PDXDC1: variants seen among roughly 807,000 people sequenced by gnomAD.
The protein encoded by PDXDC1 is pyridoxal-dependent decarboxylase domain-containing protein 1.
In PDXDC1, 42 loss-of-function variants were observed where a neutral mutation model predicts 100.1. That is an observed-to-expected ratio of 0.42 (90% CI 0.33 to 0.54). PDXDC1 has a LOEUF of 0.54. Among genes scored for constraint, PDXDC1 ranks in the 20% least tolerant of loss-of-function variants. The pLI is 0.10. For missense variants in PDXDC1, 636 were observed against 979.2 expected (o/e 0.65, Z 4.68); for synonymous variants, 260 against 371.7 (o/e 0.70, Z 3.46).
At chr16:14,980,917 T>G (rs1967824369) in intron 1 of PDXDC1, among the ~76,000 whole-genome samples, 1 of 152,292 alleles carries the variant, frequency 6.6e-6, no homozygotes, top group Non-Finnish European at 1.5e-5. Flanking sequence ...ATAATTTTTA[T>G]TAATCGAAGG....
In PDXDC1 at chr16:15,131,440, T is replaced by C. The variant is rs1306508369; in HGVS notation, c.1400-7439T>C. On this transcript the variant is annotated intron_variant, in intron 16 of 16. Coordinates refer to the PDXDC1 transcript ENST00000535621. ...GTTAGCCGGGGCCCTGCTGAAAGCC[T>C]AGGGGATGGAGAAGTGGCAGCCAGG... 3.1e-6 allele frequency: 5 copies of C among 1,608,318 alleles called. No individual in the cohort carries two copies. The African/African-American group carries it at 5.3e-5, about 17-fold the overall frequency.
At chr16:15,056,003 A>AGGC (rs1248637323) in intron 16 of PDXDC1, 6 of 1,159,426 alleles carry the variant, frequency 5.2e-6, no homozygotes, top group South Asian at 4.3e-5. Flanking sequence ...AGGCCCAGGG[A>AGGC]GGCGGCGGCC....
intron 1 of PDXDC1, among the ~76,000 whole-genome samples, chr16:14,994,490 T>C (rs528506261): frequency 6.6e-6 from 1 of 152,418 alleles, no homozygotes; most frequent in East Asian, 1.9e-4. Flanking sequence ...TTGTGTTCCA[T>C]TGGTCTATAT....
intron 16 of PDXDC1, among the ~76,000 whole-genome samples, chr16:15,063,517 G>T (rs540993642): frequency 6.6e-6 from 1 of 151,920 alleles, no homozygotes; most frequent in African/African-American, 2.4e-5. Flanking sequence ...GACCATCCTG[G>T]CTAACACGGT....
intron 13 of PDXDC1, chr16:15,026,073 A>G (rs2042575468): frequency 6.5e-6 from 1 of 153,204 alleles, no homozygotes; most frequent in Non-Finnish European, 1.5e-5. Context: ...AGGGGAGGAA[A>G]GTACTTGTTG....
chr16:15,040,061 T>C, downstream of PDXDC1: 1 of 1,587,494 alleles, frequency 6.3e-7, no homozygotes, highest in Admixed American at 1.7e-5. Flanking sequence ...GTCTTAATGT[T>C]GACAGCTGTG....
In PDXDC1 at chr16:15,110,265, A is replaced by C. The variant is rs1037324996; in HGVS notation, c.1400-28614A>C. The C allele has an allele frequency of 1.7e-5, 12 of 699,164 alleles. 1 individual carries two copies. Among genetic ancestry groups the C allele is most frequent in the African/African-American group, 5.3e-5 (3 of 56,230 alleles). 43.3% of individuals were successfully genotyped at this position (699,164 alleles called of 1,614,324 possible). Reference sequence around the variant, plus strand: ...GGAAGGGAAAGGAATTATACAGCTTAAACTAATGAAGCAGAAAGGACAAAC... The same window carrying C: ...GGAAGGGAAAGGAATTATACAGCTTCAACTAATGAAGCAGAAAGGACAAAC... On this transcript the variant is annotated intron_variant, in intron 16 of 16. Coordinates refer to the PDXDC1 transcript ENST00000535621.
chr16:15,057,069 T>C (rs2044552044), intron 16 of PDXDC1, among the ~76,000 whole-genome samples: 1 of 152,076 alleles, frequency 6.6e-6, no homozygotes, highest in Non-Finnish European at 1.5e-5. Context: ...AAAAAGTAAT[T>C]TTACAAAAGA....
rs186213040 is a variant in PDXDC1 at position 15,034,645 on chromosome 16, G to A, written c.2002+92G>A. 236 of 923,768 alleles carry A rather than the reference G, an allele frequency of 2.6e-4. 1 individual carries two copies. The East Asian group carries it at 3.9e-3, about 15-fold the overall frequency. The allele number at this position is 923,768 out of a possible 1,614,324, so 57.2% of individuals were successfully genotyped here. On this transcript the variant is annotated intron_variant, in intron 21 of 22. Transcript: ENST00000396410. ...CCCAACACTTCCCACTGAGAATCCC[G>A]CCCTGGTTCCCGTTCTTCATCACTG...
At chr16:15,136,273 C>A (rs1274045797) in intron 16 of PDXDC1, 3 of 613,588 alleles carry the variant, frequency 4.9e-6, no homozygotes, top group Non-Finnish European at 5.7e-6. Context: ...CAGGGCCCAC[C>A]ACCCCAGGCT....
intron 16 of PDXDC1, chr16:15,133,427 C>G: frequency 9.8e-7 from 1 of 1,019,078 alleles, no homozygotes; most frequent in South Asian, 1.3e-5. Context: ...CAGAGACCTA[C>G]GAGCAGAGGG....
At chr16:15,132,999 C>A in intron 16 of PDXDC1, 1 of 1,436,266 alleles carries the variant, frequency 7.0e-7, no homozygotes, top group Non-Finnish European at 9.5e-7. Context: ...CATTGACCCG[C>A]AACACTGAGC....
At chr16:15,125,519 C>A (rs2047662415) in intron 16 of PDXDC1, 5 of 1,519,702 alleles carry the variant, frequency 3.3e-6, no homozygotes, top group East Asian at 4.5e-5. Flanking sequence ...GTGACCTGCA[C>A]CAGGGCTCGA....
At chr16:15,137,377 C>A in intron 16 of PDXDC1, 1 of 1,518,300 alleles carries the variant, frequency 6.6e-7, no homozygotes, top group South Asian at 1.2e-5. Context: ...CCGCCCCACA[C>A]AGGCACCAGC....
At chr16:15,071,139 GCTCTTGC>G (rs968767014) in intron 16 of PDXDC1, 2 of 1,608,816 alleles carry the variant, frequency 1.2e-6, no homozygotes, top group African/African-American at 2.7e-5. Context: ...AATAAATTTA[GCTCTTGC>G]CAAAAAGCTT....
chr16:15,128,665 G>A (rs529802994), intron 16 of PDXDC1, among the ~76,000 whole-genome samples: 10 of 152,094 alleles, frequency 6.6e-5, no homozygotes, highest in South Asian at 4.2e-4. Flanking sequence ...CACAACCAGT[G>A]ACCCGCACTG....
intron 16 of PDXDC1, among the ~76,000 whole-genome samples, chr16:15,052,902 C>T (rs1397983946): frequency 6.6e-6 from 1 of 152,060 alleles, no homozygotes; most frequent in Non-Finnish European, 1.5e-5. Flanking sequence ...CTCTGTGGAA[C>T]CGTATTACCC....
chr16:15,021,511 G>A (rs1230491996), intron 12 of PDXDC1, among the ~76,000 whole-genome samples: 31 of 152,398 alleles, frequency 2.0e-4, no homozygotes, highest in East Asian at 1.7e-3. Flanking sequence ...AGAAGCCTTA[G>A]TAACTTAGTT....
intron 16 of PDXDC1, chr16:15,060,854 C>G (rs560408567): frequency 6.6e-6 from 1 of 152,318 alleles, no homozygotes; most frequent in Admixed American, 6.5e-5. Flanking sequence ...TTCCCAATAA[C>G]TAAGTGATGC....
Sources: gnomAD v4.1 joint callset for allele counts (sites outside exome capture counted in the v4.1 genomes callset) on GRCh38, gnomAD v4.1.1 for gene constraint, MANE v1.5 for transcripts, NCBI Gene and HGNC (gene_info 2026-07-23, HGNC 2026-07-21) for gene names.